Variants in TENM3 observed in about 807,000 individuals in gnomAD.
TENM3 encodes the protein teneurin transmembrane protein 3, also known as teneurin-3.
A neutral mutation model predicts 255.1 loss-of-function variants in TENM3; 63 were observed. That is an observed-to-expected ratio of 0.25 (90% CI 0.20 to 0.30). The LOEUF (loss-of-function observed/expected upper bound fraction) is 0.30. Ranked by LOEUF, TENM3 falls within the 10% of genes least tolerant of loss-of-function variation. TENM3 has a pLI of 1.00. For synonymous variants in TENM3, 1,306 were observed against 1,322.3 expected, an observed-to-expected ratio of 0.99 and a Z score of 0.27; for missense variants, 2,929 against 3,461.1, an observed-to-expected ratio of 0.85 and a Z score of 3.86.
chr4:181,779,146 C>T, the TENM3 span, among the ~76,000 whole-genome samples: 1 of 152,056 alleles, frequency 6.6e-6, no homozygotes, highest in Non-Finnish European at 1.5e-5. Context: ...GCTTGATCTA[C>T]CAGCACCTTG....
the TENM3 span, among the ~76,000 whole-genome samples, chr4:181,513,292 T>G: frequency 6.6e-6 from 1 of 152,178 alleles, no homozygotes; most frequent in African/African-American, 2.4e-5. Context: ...AATATTCACA[T>G]GCAAGGGAAA....
intron 1 of TENM3, among the ~76,000 whole-genome samples, chr4:182,266,079 T>C (rs778376645): frequency 6.6e-6 from 1 of 152,252 alleles, no homozygotes; most frequent in South Asian, 2.1e-4. Context: ...GCCCCCTAGC[T>C]GTGCTGGAGA....
intron 3 of TENM3, among the ~76,000 whole-genome samples, chr4:182,375,253 A>G (rs778720441): frequency 3.9e-5 from 6 of 151,990 alleles, no homozygotes; most frequent in African/African-American, 7.3e-5. Flanking sequence ...ATACTAGATC[A>G]TAAGTATCAA....
chr4:181,957,672 A>G, the TENM3 span, among the ~76,000 whole-genome samples: 5 of 152,210 alleles, frequency 3.3e-5, no homozygotes, highest in Non-Finnish European at 5.9e-5. Flanking sequence ...CTAACAATTC[A>G]GGCATGTCTA....
chr4:181,485,819 A>G, the TENM3 span, among the ~76,000 whole-genome samples: 2 of 152,168 alleles, frequency 1.3e-5, no homozygotes, highest in Non-Finnish European at 1.5e-5. Context: ...AAAATAAGAT[A>G]AAATCTAATT....
At chr4:182,014,635 G>A in the TENM3 span, among the ~76,000 whole-genome samples, 13 of 152,098 alleles carry the variant, frequency 8.5e-5, no homozygotes, top group Admixed American at 1.3e-4. Context: ...GCTAATTGTC[G>A]TGTTGGAAGG....
chr4:181,919,374 G>GGTGTGTGTGTGTGTGTGT, the TENM3 span, among the ~76,000 whole-genome samples: 1,619 of 146,818 alleles, frequency 0.011, 21 homozygotes, highest in African/African-American at 0.028. Context: ...AAGCAAAGCA[G>GGTGTGTGTGTGTGTGTGT]GTGTGTGTGT....
At chr4:182,684,503 A>C (rs749665590) in intron 11 of TENM3, among the ~76,000 whole-genome samples, 7 of 150,732 alleles carry the variant, frequency 4.6e-5, no homozygotes, top group Non-Finnish European at 1.0e-4. Context: ...AATTTATTTA[A>C]TATCTCTGTG....
the TENM3 span, among the ~76,000 whole-genome samples, chr4:181,950,321 CCTTTTCG>C: frequency 6.6e-6 from 1 of 151,992 alleles, no homozygotes; most frequent in Non-Finnish European, 1.5e-5. Flanking sequence ...TCGCTGAGTC[CCTTTTCG>C]GACTCAGCCC....
chr4:182,604,706 A>C (rs1748242707), intron 4 of TENM3, among the ~76,000 whole-genome samples: 1 of 152,212 alleles, frequency 6.6e-6, no homozygotes, highest in African/African-American at 2.4e-5. Flanking sequence ...GATGTTAACA[A>C]AACGGTTCAT....
At chr4:181,656,331 G>A in the TENM3 span, among the ~76,000 whole-genome samples, 1 of 152,134 alleles carries the variant, frequency 6.6e-6, no homozygotes, top group African/African-American at 2.4e-5. Context: ...GAGTTCACAC[G>A]ACCTCCTGAA....
At chr4:181,554,123 AATCAGAGGCTGAAGCC>A in the TENM3 span, among the ~76,000 whole-genome samples, 45 of 152,306 alleles carry the variant, frequency 3.0e-4, no homozygotes, top group Middle Eastern at 3.4e-3. Context: ...TACCATGGAA[AATCAGAGGCTGAAGCC>A]AGCCCAAGAT....
At chr4:181,462,050 G>T in the TENM3 span, among the ~76,000 whole-genome samples, 1 of 152,250 alleles carries the variant, frequency 6.6e-6, no homozygotes, top group African/African-American at 2.4e-5. Flanking sequence ...GGATTTGACC[G>T]ATTTGCTTTT....
the TENM3 span, among the ~76,000 whole-genome samples, chr4:181,741,328 A>T: frequency 6.6e-6 from 1 of 152,190 alleles, no homozygotes; most frequent in African/African-American, 2.4e-5. Context: ...AAGGCCTGGT[A>T]CTTGAAGTGG....
chr4:181,577,060 T>A, the TENM3 span, among the ~76,000 whole-genome samples: 4 of 116,418 alleles, frequency 3.4e-5, no homozygotes, highest in Non-Finnish European at 7.1e-5. Flanking sequence ...TAATAAATTA[T>A]ATATTATATA....
chr4:181,520,208 T>C, the TENM3 span, among the ~76,000 whole-genome samples: 1 of 152,198 alleles, frequency 6.6e-6, no homozygotes, highest in African/African-American at 2.4e-5. Context: ...TAAACAGCCT[T>C]ATCATTTGAT....
chr4:182,590,809 A>C (rs968892191), intron 3 of TENM3, among the ~76,000 whole-genome samples: 1 of 151,284 alleles, frequency 6.6e-6, no homozygotes, highest in Non-Finnish European at 1.5e-5. Context: ...AGATTGCACC[A>C]CTGCACTCCA....
the TENM3 span, among the ~76,000 whole-genome samples, chr4:181,676,194 T>C: frequency 6.6e-6 from 1 of 152,142 alleles, no homozygotes; most frequent in South Asian, 2.1e-4. Context: ...TAAAGTATAG[T>C]GCAGTGAAAT....
In TENM3 at chr4:182,792,945, A is replaced by G. The variant is rs745456348; in HGVS notation, c.6273A>G (p.Gln2091=). Residue 2091 remains glutamine, a synonymous_variant, in exon 26 of 28, where the codon CAA becomes CAG. Coordinates refer to ENST00000511685, the MANE Select transcript of TENM3 (RefSeq NM_001080477.4). This position sits in a 1 kb window ranked among gnomAD's most constrained non-coding sequence, Gnocchi z 6.3. The stretch of plus-strand genomic sequence containing the variant: ...CTCATGGCCGTATCAAGGAGATTCA[A>G]TATGAGATATTCAGGTCGCTCATGT... ...FDAHGRIKEI[Q]YEIFRSLMYW... 16 of 1,613,820 alleles carry G rather than the reference A, an allele frequency of 9.9e-6. No homozygotes were observed. The East Asian group carries it at 1.6e-4, about 16-fold the overall frequency.
Sources: allele counts gnomAD v4.1 joint callset (sites outside exome capture counted in the v4.1 genomes callset), GRCh38; gene constraint gnomAD v4.1.1; non-coding constraint Gnocchi (gnomAD v3.1); transcripts MANE v1.5; gene names NCBI Gene and HGNC (gene_info 2026-07-23, HGNC 2026-07-21).